The following GPM6A variants were observed in gnomAD, a reference collection of about 807,000 sequenced individuals.
GPM6A encodes glycoprotein M6A.
A neutral mutation model predicts 32.1 loss-of-function variants in GPM6A; 7 were observed. That is an observed-to-expected ratio of 0.22 (90% confidence interval 0.12 to 0.41). The LOEUF (loss-of-function observed/expected upper bound fraction) is 0.41, where lower values mean the gene tolerates loss of function less well. Among genes scored for constraint, GPM6A ranks in the 10% least tolerant of loss-of-function variants. The pLI, the probability that GPM6A is intolerant of heterozygous loss-of-function variation, is 1.00. For missense variants in GPM6A, 235 were observed against 347.2 expected, an observed-to-expected ratio of 0.68 and a Z score of 2.57; for synonymous variants, 130 against 123.4, an observed-to-expected ratio of 1.05 and a Z score of -0.35.
chr4:175,656,091 C>A (rs58604533), intron 3 of GPM6A, among the ~76,000 whole-genome samples: 9,425 of 151,800 alleles, frequency 0.062, 302 homozygotes, highest in South Asian at 0.12. Context: ...AATAAAGTGG[C>A]CTCATTGGCC....
intron 1 of GPM6A, among the ~76,000 whole-genome samples, chr4:175,747,238 C>T (rs1407666350): frequency 6.9e-6 from 1 of 144,692 alleles, no homozygotes; most frequent in Non-Finnish European, 1.5e-5. Flanking sequence ...TCACTACACT[C>T]CAGCTTGGTG....
chr4:175,884,477 T>C (rs919094565), intron 1 of GPM6A, among the ~76,000 whole-genome samples: 1 of 152,154 alleles, frequency 6.6e-6, no homozygotes, highest in African/African-American at 2.4e-5. Flanking sequence ...AAAATTCCAA[T>C]AAATCCAACA....
intron 1 of GPM6A, among the ~76,000 whole-genome samples, chr4:175,983,218 G>C (rs954577850): frequency 6.6e-6 from 1 of 152,160 alleles, no homozygotes; most frequent in African/African-American, 2.4e-5. Context: ...TCTTCAAGTG[G>C]CTGTGATTAT....
intron 1 of GPM6A, among the ~76,000 whole-genome samples, chr4:175,783,149 G>A (rs1224775405): frequency 6.6e-6 from 1 of 151,640 alleles, no homozygotes; most frequent in Admixed American, 6.6e-5. Flanking sequence ...AAAATTTTTT[G>A]CCTTTGTCAT....
intron 1 of GPM6A, among the ~76,000 whole-genome samples, chr4:175,998,174 G>A (rs1366713636): frequency 1.3e-5 from 2 of 150,630 alleles, no homozygotes; most frequent in South Asian, 2.1e-4. Flanking sequence ...TTTTGTTTGA[G>A]ACTGAGTCTC....
chr4:175,663,805 T>A (rs1250082800), intron 3 of GPM6A, among the ~76,000 whole-genome samples: 2 of 151,538 alleles, frequency 1.3e-5, no homozygotes, highest in African/African-American at 4.9e-5. Context: ...GCCATTCTCC[T>A]GCCTCAGCCT....
intron 1 of GPM6A, among the ~76,000 whole-genome samples, chr4:175,798,900 A>G (rs951408422): frequency 1.2e-4 from 19 of 152,186 alleles, no homozygotes; most frequent in African/African-American, 4.3e-4. Context: ...ATTGCACCAA[A>G]AGAGGTATTC....
In GPM6A at chr4:175,812,052, G is replaced by A; in HGVS notation, c.37+139C>T. ...CGTGCCAGACATTACTGCAAGTGAG[G>A]AACAGACTAAAGGAGAGGAAGGAAC... is the stretch of plus-strand genomic sequence containing the variant. On this transcript the variant is annotated intron_variant, in intron 1 of 6. Coordinates refer to ENST00000393658, the MANE Select transcript of GPM6A (RefSeq NM_201591.3). The A allele has an allele frequency of 4.8e-6, 3 of 621,220 alleles. 1 individual carries two copies. In the South Asian group the frequency reaches 7.4e-5, roughly 15 times the overall value. The allele number at this position is 621,220 out of a possible 1,614,324, so 38.5% of individuals were successfully genotyped here.
chr4:175,892,086 G>A (rs1373486371), intron 1 of GPM6A, among the ~76,000 whole-genome samples: 1 of 152,152 alleles, frequency 6.6e-6, no homozygotes, highest in Non-Finnish European at 1.5e-5. Context: ...TATCAAGCAT[G>A]TAACTTTGCC....
At chr4:175,766,048 A>T (rs2111221221) in intron 1 of GPM6A, among the ~76,000 whole-genome samples, 1 of 152,230 alleles carries the variant, frequency 6.6e-6, no homozygotes, top group East Asian at 1.9e-4. Context: ...ATTCTTTATG[A>T]TTCATTATTC....
intron 1 of GPM6A, among the ~76,000 whole-genome samples, chr4:175,915,196 T>G (rs1345577540): frequency 2.6e-5 from 4 of 152,140 alleles, no homozygotes; most frequent in African/African-American, 9.7e-5. Context: ...TTTAAAATAT[T>G]TGTCTGAAAC....
chr4:175,959,732 T>C (rs1309142183), intron 1 of GPM6A, among the ~76,000 whole-genome samples: 2 of 152,178 alleles, frequency 1.3e-5, no homozygotes, highest in Non-Finnish European at 2.9e-5. Flanking sequence ...AACATATTGA[T>C]ATGAAATTAG....
chr4:175,634,572 T>A lies in GPM6A; in HGVS notation c.*333A>T, dbSNP rs1459333685. The A allele has an allele frequency of 2.9e-5, 6 of 209,240 alleles. No homozygotes were observed. Among genetic ancestry groups the A allele is most frequent in the African/African-American group, 1.4e-4 (6 of 42,890 alleles). 13.0% of individuals were successfully genotyped at this position (209,240 alleles called of 1,614,324 possible). ...ATAAGAAATAATGCAAAAGGTGTTA[T>A]GTATAACACATGGGAAGTGGTTAAA... On this transcript the variant is annotated 3_prime_UTR_variant, in exon 7 of 7. Coordinates refer to ENST00000393658, the MANE Select transcript of GPM6A (RefSeq NM_201591.3).
intron 1 of GPM6A, among the ~76,000 whole-genome samples, chr4:175,776,252 T>G (rs1031604143): frequency 6.6e-6 from 1 of 152,206 alleles, no homozygotes; most frequent in East Asian, 1.9e-4. Flanking sequence ...CATTTTTAAC[T>G]GACTTACCCC....
chr4:175,748,018 C>T (rs1262616897), intron 1 of GPM6A, among the ~76,000 whole-genome samples: 1 of 152,170 alleles, frequency 6.6e-6, no homozygotes, highest in Non-Finnish European at 1.5e-5. Context: ...TAAGAAGCAA[C>T]TCTTCATCCA....
At chr4:175,988,375 A>C (rs1361771604) in intron 1 of GPM6A, among the ~76,000 whole-genome samples, 1 of 152,236 alleles carries the variant, frequency 6.6e-6, no homozygotes, top group Non-Finnish European at 1.5e-5. Context: ...TTACTTGTTC[A>C]GAAATGAACA....
chr4:175,914,981 T>G (rs1310060653), intron 1 of GPM6A, among the ~76,000 whole-genome samples: 1 of 152,218 alleles, frequency 6.6e-6, no homozygotes, highest in Non-Finnish European at 1.5e-5. Context: ...ACACAAATTT[T>G]AATTAATATT....
At chr4:175,953,792 C>T (rs1035302258) in intron 1 of GPM6A, among the ~76,000 whole-genome samples, 4 of 151,940 alleles carry the variant, frequency 2.6e-5, no homozygotes, top group Admixed American at 6.6e-5. Context: ...CCAGCTACTT[C>T]GGAGGCTGTG....
At chr4:175,852,994 T>C (rs1267042781) in intron 1 of GPM6A, among the ~76,000 whole-genome samples, 1 of 152,144 alleles carries the variant, frequency 6.6e-6, no homozygotes, top group African/African-American at 2.4e-5. Context: ...AAATGGGTCA[T>C]CCAGTTATTG....
Sources: allele counts gnomAD v4.1 joint callset (sites outside exome capture counted in the v4.1 genomes callset), GRCh38; gene constraint gnomAD v4.1.1; transcripts MANE v1.5; gene names NCBI Gene and HGNC (gene_info 2026-07-23, HGNC 2026-07-21).